XIRP2: variants seen among roughly 807,000 people sequenced by gnomAD.
XIRP2 encodes the protein xin actin binding repeat containing 2.
XIRP2 carries 236 observed loss-of-function variants against 277.0 expected under a neutral mutation model. The observed-to-expected ratio is 0.85, with a 90% CI of 0.77 to 0.95. The LOEUF is 0.95. Ranked by LOEUF, XIRP2 falls within the 40% of genes least tolerant of loss-of-function variation. The pLI is 0.00. For synonymous variants in XIRP2, 1,490 were observed against 1,416.5 expected, an observed-to-expected ratio of 1.05 and a Z score of -1.17; for missense variants, 4,640 against 4,157.5, an observed-to-expected ratio of 1.12 and a Z score of -3.19.
chr2:167,232,890 A>T (rs755632715), intron 5 of XIRP2, among the ~76,000 whole-genome samples: 53 of 151,946 alleles, frequency 3.5e-4, no homozygotes, highest in Non-Finnish European at 7.1e-4. Context: ...GGAGCTGATA[A>T]TCATTAGGCA....
chr2:167,047,391 T>G (rs1055642097), intron 2 of XIRP2, among the ~76,000 whole-genome samples: 6 of 151,566 alleles, frequency 4.0e-5, no homozygotes, highest in African/African-American at 1.5e-4. Flanking sequence ...ACACAAGATT[T>G]CTGTGGGAAA....
At chr2:167,152,871 A>G (rs563771542) in intron 3 of XIRP2, among the ~76,000 whole-genome samples, 1 of 152,116 alleles carries the variant, frequency 6.6e-6, no homozygotes, top group Non-Finnish European at 1.5e-5. Flanking sequence ...TGTCTTTTCT[A>G]AAAGGTGGGT....
At chr2:167,095,225 G>T (rs1277808857) in intron 2 of XIRP2, among the ~76,000 whole-genome samples, 1 of 152,102 alleles carries the variant, frequency 6.6e-6, no homozygotes, top group African/African-American at 2.4e-5. Flanking sequence ...TGAGATGATG[G>T]GGTTTTCTAA....
chr2:167,244,263 A>G lies in XIRP2; in HGVS notation c.2871A>G (p.Leu957=). 1 of 1,613,782 alleles carries G rather than the reference A, an allele frequency of 6.2e-7. No homozygotes were observed. The highest frequency in any genetic ancestry group is 8.5e-7 in the Non-Finnish European group (1 of 1,179,826). Residue 957 remains leucine, a synonymous_variant, in exon 9 of 11, where the codon TTA becomes TTG. Coordinates refer to ENST00000409195, the MANE Select transcript of XIRP2 (RefSeq NM_152381.6). ...CACATATCTTTGAATCAAACAATTT[A>G]ATTAAATTTGATGCATCACATAAAA... ...NYTHIFESNN[L]IKFDASHKIE...
chr2:167,186,525 G>T (rs1306760975), intron 3 of XIRP2, among the ~76,000 whole-genome samples: 1 of 152,144 alleles, frequency 6.6e-6, no homozygotes, highest in Non-Finnish European at 1.5e-5. Flanking sequence ...GATAAAGGAA[G>T]CTGGTTATTT....
At chr2:167,144,484 C>T (rs953920233) in intron 3 of XIRP2, among the ~76,000 whole-genome samples, 2 of 151,454 alleles carry the variant, frequency 1.3e-5, no homozygotes, top group Non-Finnish European at 1.5e-5. Context: ...TTTTGAAGAT[C>T]ATCTTTAAAA....
intron 2 of XIRP2, among the ~76,000 whole-genome samples, chr2:167,071,162 C>T (rs1448340153): frequency 1.3e-5 from 2 of 152,042 alleles, no homozygotes; most frequent in Non-Finnish European, 2.9e-5. Context: ...AAAATTACTT[C>T]CTAGGGTAGG....
At chr2:167,035,805 C>T (rs1325247492) in intron 2 of XIRP2, among the ~76,000 whole-genome samples, 1 of 152,158 alleles carries the variant, frequency 6.6e-6, no homozygotes, top group Non-Finnish European at 1.5e-5. Flanking sequence ...CATCACAGAT[C>T]TGGAGGCCCA....
intron 10 of XIRP2, among the ~76,000 whole-genome samples, chr2:167,254,803 C>T (rs1407787779): frequency 6.6e-6 from 1 of 151,686 alleles, no homozygotes; most frequent in Non-Finnish European, 1.5e-5. Context: ...CAGAAACACC[C>T]TATCCACACA....
chr2:166,942,831 C>G (rs1157990382), intron 2 of XIRP2, among the ~76,000 whole-genome samples: 1 of 151,906 alleles, frequency 6.6e-6, no homozygotes, highest in Non-Finnish European at 1.5e-5. Context: ...ATTTTAAACT[C>G]TACAGCATCA....
intron 3 of XIRP2, among the ~76,000 whole-genome samples, chr2:167,151,982 C>A (rs1230740906): frequency 1.3e-5 from 2 of 152,020 alleles, no homozygotes; most frequent in Admixed American, 6.6e-5. Flanking sequence ...GAAGTAATAT[C>A]AATTCATTTT....
chr2:167,000,513 G>GTT (rs201441526), intron 2 of XIRP2, among the ~76,000 whole-genome samples: 2,816 of 139,380 alleles, frequency 0.02, 86 homozygotes, highest in African/African-American at 0.068. Flanking sequence ...GGGTTTTTTT[G>GTT]TTTTTTTTTT....
chr2:166,913,076 A>G (rs769390932), intron 2 of XIRP2, among the ~76,000 whole-genome samples: 3 of 151,808 alleles, frequency 2.0e-5, no homozygotes, highest in South Asian at 2.1e-4. Flanking sequence ...GAGGCAGTCT[A>G]TCCATTCTCA....
intron 3 of XIRP2, among the ~76,000 whole-genome samples, chr2:167,147,764 G>A (rs1242652345): frequency 6.6e-6 from 1 of 152,188 alleles, no homozygotes; most frequent in Non-Finnish European, 1.5e-5. Flanking sequence ...TGCATTTGCT[G>A]TAATAAACTG....
rs1440140966 is a variant in XIRP2 at position 167,084,369 on chromosome 2, C to G, written c.409-51540C>G. Among the ~76,000 whole-genome samples the G allele has an allele frequency of 2.6e-4, 39 of 151,932 alleles. 1 individual carries two copies. The East Asian group carries it at 7.2e-3, about 28-fold the overall frequency. On this transcript the variant is annotated intron_variant, in intron 2 of 10. Coordinates refer to ENST00000409195, the MANE Select transcript of XIRP2 (RefSeq NM_152381.6). ...AGTATTTTATTGAGGATTTTTGCAT[C>G]AATGTTCATCAAGGATATTGGTCTA... is the stretch of plus-strand genomic sequence containing the variant.
chr2:167,206,759 T>C (rs1202516914), intron 3 of XIRP2, among the ~76,000 whole-genome samples: 2 of 152,344 alleles, frequency 1.3e-5, no homozygotes, highest in South Asian at 2.1e-4. Context: ...TCCAGTATTG[T>C]CAATTGTATT....
intron 3 of XIRP2, among the ~76,000 whole-genome samples, chr2:167,174,674 C>A (rs891404078): frequency 6.6e-6 from 1 of 152,006 alleles, no homozygotes; most frequent in Non-Finnish European, 1.5e-5. Flanking sequence ...TTTGTTTGCT[C>A]TTGCTTCTCT....
At chr2:167,038,595 G>A (rs568326581) in intron 2 of XIRP2, among the ~76,000 whole-genome samples, 2 of 151,202 alleles carry the variant, frequency 1.3e-5, no homozygotes, top group Non-Finnish European at 2.9e-5. Flanking sequence ...AATTCCCCAT[G>A]TTGCTTTTCT....
rs1695228511 is a variant in XIRP2 at position 167,245,584 on chromosome 2, C to A, written c.4192C>A (p.Gln1398Lys). ...RYRFETQPLD[Q>K]ISEESHNIMP... ...CAGATTTGAAACTCAGCCACTGGAT[C>A]AGATTTCTGAAGAATCACATAATAT... Residue 1398 changes from glutamine (Q) to lysine (K), a missense_variant, in exon 9 of 11, where the codon CAG becomes AAG. By Grantham distance (53) the Gln-to-Lys change is moderately conservative (BLOSUM62 1). Transcript: ENST00000409195. The A allele has an allele frequency of 6.2e-7, 1 of 1,613,480 alleles. No homozygotes were observed. The highest frequency in any genetic ancestry group is 8.5e-7 in the Non-Finnish European group (1 of 1,179,744).
Sources: gnomAD v4.1 joint callset for allele counts (sites outside exome capture counted in the v4.1 genomes callset) on GRCh38, gnomAD v4.1.1 for gene constraint, MANE v1.5 for transcripts, NCBI Gene and HGNC (gene_info 2026-07-23, HGNC 2026-07-21) for gene names.